Variants in ZNF730 observed in about 807,000 individuals in gnomAD.
ZNF730 encodes zinc finger protein 730.
Under a neutral mutation model 12.6 loss-of-function variants are expected in ZNF730, and 12 were observed. The ratio of observed to expected loss-of-function variants is 0.95; its 90% CI spans 0.61 to 1.54. The LOEUF (loss-of-function observed/expected upper bound fraction) is 1.54, where lower values mean the gene tolerates loss of function less well. Ranked by LOEUF, ZNF730 falls within the 40% of genes most tolerant of loss-of-function variation. The probability of loss-of-function intolerance (pLI) is 0.00; values close to 1 mark genes in which losing one functional copy is unlikely to be tolerated. For synonymous variants in ZNF730, 194 were observed against 195.8 expected (o/e 0.99, Z 0.08); for missense variants, 643 against 583.5 (o/e 1.10, Z -1.05).
upstream of ZNF730, among the ~76,000 whole-genome samples, chr19:23,112,419 T>C (rs1160838598): frequency 6.6e-6 from 1 of 152,056 alleles, no homozygotes; most frequent in Non-Finnish European, 1.5e-5. Flanking sequence ...ATAACATCTT[T>C]TATAGGTAAA....
At chr19:23,086,113 G>A (rs1970060985) in intron 1 of ZNF730, among the ~76,000 whole-genome samples, 1 of 152,106 alleles carries the variant, frequency 6.6e-6, no homozygotes, top group Admixed American at 6.5e-5. Context: ...AAAGTGCTGT[G>A]ATTACAGGCG....
At chr19:23,116,817 C>G (rs537154295), upstream of ZNF730, among the ~76,000 whole-genome samples, 1 of 152,174 alleles carries the variant, frequency 6.6e-6, no homozygotes, top group Admixed American at 6.5e-5. Flanking sequence ...CTGGGGTGGG[C>G]CTGTCTCAGT....
intron 1 of ZNF730, among the ~76,000 whole-genome samples, chr19:23,121,286 G>C (rs947013176): frequency 6.6e-6 from 1 of 152,058 alleles, no homozygotes; most frequent in Admixed American, 6.6e-5. Context: ...TAGTGTCCAT[G>C]GGGTGTTGTA....
At chr19:23,114,921 A>C (rs898470505), upstream of ZNF730, among the ~76,000 whole-genome samples, 26 of 152,082 alleles carry the variant, frequency 1.7e-4, no homozygotes, top group African/African-American at 6.3e-4. Flanking sequence ...AGTACCTCGG[A>C]CTACAGGCAT....
chr19:23,085,209 G>A (rs554838067), intron 1 of ZNF730, among the ~76,000 whole-genome samples: 18 of 152,142 alleles, frequency 1.2e-4, no homozygotes, highest in African/African-American at 4.1e-4. Flanking sequence ...TTCTCTAATC[G>A]GTGATGTTGA....
intron 1 of ZNF730, chr19:23,127,814 T>A: frequency 1.4e-6 from 1 of 694,940 alleles, no homozygotes; most frequent in South Asian, 1.6e-5. Context: ...CACAGGATGA[T>A]AGTTTGTGTA....
chr19:23,117,092 A>G lies in ZNF730; in HGVS notation c.-82A>G. 6.2e-7 allele frequency: 1 copy of G among 1,606,442 alleles called. No individual in the cohort carries two copies. Among genetic ancestry groups the G allele is most frequent in the Non-Finnish European group, 8.5e-7 (1 of 1,174,368 alleles). ...TCTGCTTTGTGTCCTCTGCACGTAGAAGCCCAGCCTGTGTGGCCCTGCGAC... is the reference window on the plus strand; with the variant it reads ...TCTGCTTTGTGTCCTCTGCACGTAGGAGCCCAGCCTGTGTGGCCCTGCGAC... On this transcript the variant is annotated 5_prime_UTR_variant, in exon 1 of 4. Transcript: ENST00000597761.
intron 1 of ZNF730, among the ~76,000 whole-genome samples, chr19:23,120,501 T>C (rs939745535): frequency 6.6e-6 from 1 of 152,118 alleles, no homozygotes; most frequent in African/African-American, 2.4e-5. Context: ...TTCATATTTT[T>C]GTGGGGTCAG....
At chr19:23,123,108 C>T (rs1393013563) in intron 1 of ZNF730, 1 of 152,184 alleles carries the variant, frequency 6.6e-6, no homozygotes, top group African/African-American at 2.4e-5. Flanking sequence ...CACCCAAAAC[C>T]ATAATAGCTC....
intron 1 of ZNF730, among the ~76,000 whole-genome samples, chr19:23,130,831 T>G (rs2145647458): frequency 6.6e-6 from 1 of 152,286 alleles, no homozygotes; most frequent in East Asian, 1.9e-4. Context: ...AACCAAATTC[T>G]AGCTAGGGTC....
chr19:23,085,827 TTTTTTTTTC>T, intron 1 of ZNF730, among the ~76,000 whole-genome samples: 2 of 122,902 alleles, frequency 1.6e-5, no homozygotes, highest in South Asian at 2.6e-4. Flanking sequence ...TTTCACCCAA[TTTTTTTTTC>T]TTTTTTTTTT....
intron 1 of ZNF730, among the ~76,000 whole-genome samples, chr19:23,078,956 C>T (rs1969915628): frequency 6.6e-6 from 1 of 152,008 alleles, no homozygotes; most frequent in African/African-American, 2.4e-5. Flanking sequence ...AGGCATGTGC[C>T]ATCATGCCTG....
chr19:23,092,145 T>C (rs1165811070), intron 1 of ZNF730, among the ~76,000 whole-genome samples: 2 of 152,222 alleles, frequency 1.3e-5, no homozygotes, highest in Admixed American at 6.5e-5. Context: ...TGCTTCTTTC[T>C]CATTTTCTCT....
chr19:23,086,321 C>CTTAT (rs909343746), intron 1 of ZNF730, among the ~76,000 whole-genome samples: 8 of 152,020 alleles, frequency 5.3e-5, no homozygotes, highest in African/African-American at 1.4e-4. Flanking sequence ...TTAGATTTTA[C>CTTAT]TTATTTATTT....
chr19:23,117,215 G>T, intron 1 of ZNF730, 39 bp downstream of exon 1: 1 of 1,613,662 alleles, frequency 6.2e-7, no homozygotes, highest in East Asian at 2.2e-5. Flanking sequence ...GAGGGAACGG[G>T]GCTGGTTGGA....
intron 1 of ZNF730, among the ~76,000 whole-genome samples, chr19:23,079,752 AAC>A (rs1242858528): frequency 6.6e-6 from 1 of 152,166 alleles, no homozygotes; most frequent in Non-Finnish European, 1.5e-5. Context: ...ATACTCACTA[AAC>A]AACAAATTGT....
intron 3 of ZNF730, among the ~76,000 whole-genome samples, chr19:23,140,933 CAG>C (rs1434674207): frequency 1.3e-5 from 2 of 151,834 alleles, no homozygotes; most frequent in African/African-American, 4.8e-5. Context: ...GCCTGGGTGA[CAG>C]AGCGAGATTC....
chr19:23,092,133 T>C (rs1970170142), intron 1 of ZNF730, among the ~76,000 whole-genome samples: 1 of 152,180 alleles, frequency 6.6e-6, no homozygotes, highest in Non-Finnish European at 1.5e-5. Flanking sequence ...GGTTTCCAGT[T>C]TTGCTTCTTT....
chr19:23,115,248 G>A (rs989200132), upstream of ZNF730, among the ~76,000 whole-genome samples: 3 of 152,110 alleles, frequency 2.0e-5, no homozygotes, highest in African/African-American at 7.2e-5. Flanking sequence ...CCTGAGCTTT[G>A]GAGTCAGAAT....
Sources: allele counts gnomAD v4.1 joint callset (sites outside exome capture counted in the v4.1 genomes callset), GRCh38; gene constraint gnomAD v4.1.1; transcripts MANE v1.5; gene names NCBI Gene and HGNC (gene_info 2026-07-23, HGNC 2026-07-21).